Variants in CNTNAP2 observed in about 807,000 individuals in gnomAD.
The protein encoded by CNTNAP2 is contactin associated protein 2.
CNTNAP2 carries 98 observed loss-of-function variants against 155.2 expected under a neutral mutation model. The ratio of observed to expected loss-of-function variants is 0.63; its 90% CI spans 0.54 to 0.75. The LOEUF is 0.75. Among genes scored for constraint, CNTNAP2 ranks in the 30% least tolerant of loss-of-function variants. CNTNAP2 has a pLI of 0.00. For missense variants in CNTNAP2, 1,727 were observed against 1,688.1 expected, an observed-to-expected ratio of 1.02 and a Z score of -0.40; for synonymous variants, 651 against 631.2, an observed-to-expected ratio of 1.03 and a Z score of -0.47.
At chr7:146,919,340 A>G (rs1796453316) in intron 3 of CNTNAP2, among the ~76,000 whole-genome samples, 1 of 152,136 alleles carries the variant, frequency 6.6e-6, no homozygotes, top group African/African-American at 2.4e-5. Context: ...CTGGGACTCA[A>G]GGGCTGCTGT....
chr7:146,716,780 A>G (rs1213787558), intron 1 of CNTNAP2, among the ~76,000 whole-genome samples: 1 of 152,234 alleles, frequency 6.6e-6, no homozygotes, highest in Non-Finnish European at 1.5e-5. Flanking sequence ...ATGCTTTGCA[A>G]TCTTTAAGCA....
At chr7:148,114,604 A>G (rs1804425340) in intron 15 of CNTNAP2, among the ~76,000 whole-genome samples, 1 of 152,186 alleles carries the variant, frequency 6.6e-6, no homozygotes, top group South Asian at 2.1e-4. Flanking sequence ...GTTATAATAA[A>G]AAAATCCCAG....
chr7:146,869,943 G>T (rs1183706313), intron 3 of CNTNAP2, among the ~76,000 whole-genome samples: 2 of 152,108 alleles, frequency 1.3e-5, no homozygotes, highest in Non-Finnish European at 2.9e-5. Context: ...ATCCTTCAAT[G>T]ATCAAGTTGA....
intron 3 of CNTNAP2, among the ~76,000 whole-genome samples, chr7:146,946,072 C>CCCTT (rs10625736): frequency 0.26 from 38,981 of 149,832 alleles, 5,555 homozygotes; most frequent in Non-Finnish European, 0.31. Context: ...TTCCTTCCTT[C>CCCTT]CCTTCCTTCC....
At chr7:147,538,469 T>C (rs1024260143) in intron 11 of CNTNAP2, among the ~76,000 whole-genome samples, 3 of 151,938 alleles carry the variant, frequency 2.0e-5, no homozygotes, top group African/African-American at 4.8e-5. Flanking sequence ...CTGGGAAACA[T>C]AGTGAGACCC....
intron 8 of CNTNAP2, among the ~76,000 whole-genome samples, chr7:147,260,239 C>T (rs867106916): frequency 2.0e-5 from 3 of 152,164 alleles, no homozygotes; most frequent in Admixed American, 1.3e-4. Context: ...AAAATAATAC[C>T]TAATTATTGT....
At chr7:146,674,773 A>C (rs183818213) in intron 1 of CNTNAP2, among the ~76,000 whole-genome samples, 1 of 152,134 alleles carries the variant, frequency 6.6e-6, no homozygotes, top group Admixed American at 6.6e-5. Context: ...GGGTGGCCGG[A>C]GTAGGTTGTG....
At chr7:146,289,448 C>A (rs1338821366) in intron 1 of CNTNAP2, among the ~76,000 whole-genome samples, 1 of 152,100 alleles carries the variant, frequency 6.6e-6, no homozygotes, top group Non-Finnish European at 1.5e-5. Context: ...TTTTCCCTCA[C>A]CCTTAATACA....
Position 146,480,253 on chromosome 7 carries a change from C to G in CNTNAP2, c.98-294018C>G, listed in dbSNP as rs1396425285. Among the ~76,000 whole-genome samples the G allele has an allele frequency of 1.3e-5, 2 of 151,760 alleles. 1 individual carries two copies. Among genetic ancestry groups the G allele is most frequent in the South Asian group, 4.2e-4 (2 of 4,818 alleles). ...AGTCCAAAAGGGTAAATTTCTAAAA[C>G]GAAATTGTAAATAAAAGAATGGAAA... On this transcript the variant is annotated intron_variant, in intron 1 of 23. Coordinates refer to ENST00000361727, the MANE Select transcript of CNTNAP2 (RefSeq NM_014141.6).
intron 8 of CNTNAP2, among the ~76,000 whole-genome samples, chr7:147,140,015 A>G (rs1801562039): frequency 6.6e-6 from 1 of 152,100 alleles, no homozygotes; most frequent in East Asian, 1.9e-4. Flanking sequence ...CTCAGACCCT[A>G]CTTCTGGGAA....
At chr7:146,472,990 G>T (rs1796821965) in intron 1 of CNTNAP2, among the ~76,000 whole-genome samples, 1 of 150,608 alleles carries the variant, frequency 6.6e-6, no homozygotes. Context: ...TGCAGAATTT[G>T]TAGATGTTTA....
At chr7:147,161,065 T>C (rs1396367768) in intron 8 of CNTNAP2, among the ~76,000 whole-genome samples, 2 of 152,112 alleles carry the variant, frequency 1.3e-5, no homozygotes, top group African/African-American at 2.4e-5. Flanking sequence ...TGAAAGAACG[T>C]AGTGACCAGT....
chr7:146,867,980 C>T (rs1795237898), intron 3 of CNTNAP2, among the ~76,000 whole-genome samples: 1 of 151,342 alleles, frequency 6.6e-6, no homozygotes, highest in South Asian at 2.1e-4. Context: ...TGTCTGTTTA[C>T]TCTGTTGATA....
At chr7:146,320,218 G>A (rs1800978017) in intron 1 of CNTNAP2, among the ~76,000 whole-genome samples, 1 of 151,838 alleles carries the variant, frequency 6.6e-6, no homozygotes, top group Admixed American at 6.6e-5. Context: ...ATTTAATTTT[G>A]AATTTTTTTC....
At chr7:146,138,360 A>G (rs982198173) in intron 1 of CNTNAP2, among the ~76,000 whole-genome samples, 13 of 152,102 alleles carry the variant, frequency 8.5e-5, no homozygotes, top group Non-Finnish European at 1.8e-4. Context: ...GATTTTTTTA[A>G]TTACTTGAGT....
chr7:146,117,090 C>A, intron 1 of CNTNAP2, 117 bp downstream of exon 1: 1 of 863,172 alleles, frequency 1.2e-6, no homozygotes, highest in South Asian at 1.5e-5. Flanking sequence ...GTGTTTGTGT[C>A]TCCGCTGTCA....
chr7:146,394,138 C>T (rs1003182896), intron 1 of CNTNAP2, among the ~76,000 whole-genome samples: 8 of 152,094 alleles, frequency 5.3e-5, no homozygotes, highest in Non-Finnish European at 8.8e-5. Context: ...AGGGTTAGTA[C>T]ACCATGTGGA....
chr7:147,394,766 G>C (rs1796782021), intron 9 of CNTNAP2, among the ~76,000 whole-genome samples: 1 of 150,228 alleles, frequency 6.7e-6, no homozygotes, highest in South Asian at 2.1e-4. Flanking sequence ...CTGATTTCAA[G>C]GTTGGTGTGG....
At chr7:146,653,369 C>A (rs1471395799) in intron 1 of CNTNAP2, among the ~76,000 whole-genome samples, 4 of 151,984 alleles carry the variant, frequency 2.6e-5, no homozygotes, top group African/African-American at 7.2e-5. Flanking sequence ...ATTTTAGGCA[C>A]CCCAAAATAT....
Sources: allele counts gnomAD v4.1 joint callset (sites outside exome capture counted in the v4.1 genomes callset), GRCh38; gene constraint gnomAD v4.1.1; transcripts MANE v1.5; gene names NCBI Gene and HGNC (gene_info 2026-07-23, HGNC 2026-07-21).